The following NUP50 variants were observed in gnomAD, a reference collection of about 807,000 sequenced individuals.
NUP50 encodes nucleoporin 50.
NUP50 carries 14 observed loss-of-function variants against 36.8 expected under a neutral mutation model. The observed-to-expected ratio is 0.38, with a 90% confidence interval of 0.25 to 0.59. NUP50 has a LOEUF of 0.59. Ranked by LOEUF, NUP50 falls within the 20% of genes least tolerant of loss-of-function variation. The pLI is 0.63. For missense variants in NUP50, 455 were observed against 564.6 expected (o/e 0.81, Z 1.97); for synonymous variants, 195 against 210.8 (o/e 0.93, Z 0.65).
intron 2 of NUP50, 119 bp from the exon 3 acceptor site, chr22:45,171,481 C>A: frequency 9.9e-7 from 1 of 1,011,176 alleles, no homozygotes; most frequent in Non-Finnish European, 1.5e-6. Flanking sequence ...TGTGCCTGGC[C>A]AAAATTTATT....
chr22:45,171,885 T>C (rs1001580964), intron 3 of NUP50: 11 of 500,304 alleles, frequency 2.2e-5, no homozygotes, highest in Non-Finnish European at 3.6e-5. Context: ...GGAAATAAGA[T>C]AAATATAGAC....
chr22:45,174,706 A>G (rs373207418), intron 3 of NUP50, among the ~76,000 whole-genome samples: 25 of 152,306 alleles, frequency 1.6e-4, no homozygotes, highest in African/African-American at 6.0e-4. Context: ...GACAGCTATC[A>G]GTGTGGCGGG....
chr22:45,176,100 C>A lies in NUP50; in HGVS notation c.340+20C>A, dbSNP rs1356224673. 6.2e-7 allele frequency: 1 copy of A among 1,609,954 alleles called. No homozygotes were observed. Among genetic ancestry groups the A allele is most frequent in the South Asian group, 1.1e-5 (1 of 90,738 alleles). On this transcript the variant is annotated intron_variant, in intron 4 of 7. Transcript: ENST00000347635. Reference sequence around the variant, plus strand: ...CCTTTGGTAAGTAGCTCCCATCCCCCAGCCGCCTGTGTAAGTATCATCTAT... The same window carrying A: ...CCTTTGGTAAGTAGCTCCCATCCCCAAGCCGCCTGTGTAAGTATCATCTAT...
intron 5 of NUP50, chr22:45,180,145 G>C (rs2074343854): frequency 6.6e-6 from 1 of 152,220 alleles, no homozygotes; most frequent in East Asian, 1.9e-4. Context: ...CAGGCACTGG[G>C]GATTTGAATC....
chr22:45,169,199 AC>A (rs1230817232), intron 2 of NUP50, among the ~76,000 whole-genome samples: 1 of 152,000 alleles, frequency 6.6e-6, no homozygotes, highest in African/African-American at 2.4e-5. Flanking sequence ...ACCGCACCCA[AC>A]CCCCCAAAAA....
intron 5 of NUP50, among the ~76,000 whole-genome samples, chr22:45,179,482 C>T (rs559538454): frequency 2.6e-5 from 4 of 152,314 alleles, no homozygotes; most frequent in Admixed American, 6.5e-5. Flanking sequence ...AAGGTCTGGG[C>T]CCTCCAGACC....
intron 6 of NUP50, among the ~76,000 whole-genome samples, chr22:45,181,819 T>A (rs893889203): frequency 6.6e-6 from 1 of 152,198 alleles, no homozygotes; most frequent in Non-Finnish European, 1.5e-5. Flanking sequence ...GTCAAAAAGT[T>A]AAGCACAGTA....
chr22:45,186,874 G>A lies in NUP50; in HGVS notation c.*2219G>A, dbSNP rs2147718700. 6.6e-6 allele frequency: 1 copy of A among 152,624 alleles called. No individual in the cohort carries two copies. The highest frequency in any genetic ancestry group is 2.1e-4 in the South Asian group (1 of 4,828). The allele number at this position is 152,624 out of a possible 1,614,324, so 9.5% of individuals were successfully genotyped here. A position where few individuals can be genotyped will look rare whatever the true frequency, so the allele number is the denominator to read the frequency against. ...AGTGTAAAGAGCCTGAGTATACGTG[G>A]ATTTCATTGTAAAATTTAACTCCTT... is the stretch of plus-strand genomic sequence containing the variant. On this transcript the variant is annotated 3_prime_UTR_variant, in exon 8 of 8. Transcript: ENST00000347635.
Position 45,175,962 on chromosome 22 carries a change from T to A in NUP50, c.222T>A (p.Ser74=), listed in dbSNP as rs1245113775. 2 of 1,614,170 alleles carry A rather than the reference T, an allele frequency of 1.2e-6. No homozygotes were observed. The change falls in exon 4 of 8, where the codon TCT becomes TCA. Residue 74 remains serine, a synonymous_variant. Transcript: ENST00000347635. ...LVVPSGGGRF[S]GFGSGAGGKP... ...TACCTTCTGGAGGAGGACGCTTTTCTGGATTTGGTAGTGGCGCTGGAGGGA... is the reference window on the plus strand; with the variant it reads ...TACCTTCTGGAGGAGGACGCTTTTCAGGATTTGGTAGTGGCGCTGGAGGGA...
At chr22:45,165,334 C>G (rs1456431195) in intron 1 of NUP50, among the ~76,000 whole-genome samples, 2 of 152,238 alleles carry the variant, frequency 1.3e-5, no homozygotes, top group Admixed American at 6.5e-5. Flanking sequence ...CTCCTGGGCT[C>G]AAGTGATTCT....
intron 5 of NUP50, chr22:45,179,267 G>C (rs2074328585): frequency 1.1e-5 from 2 of 186,538 alleles, no homozygotes; most frequent in African/African-American, 2.4e-5. Flanking sequence ...GAATTGATTT[G>C]TACTTAGGAG....
chr22:45,169,149 G>A (rs940071925), intron 2 of NUP50, among the ~76,000 whole-genome samples: 23 of 152,112 alleles, frequency 1.5e-4, no homozygotes, highest in Non-Finnish European at 2.8e-4. Flanking sequence ...TGATCCACCC[G>A]CCTTGGCCTC....
At position 45,163,970 on chromosome 22, in the gene NUP50, CCTT is replaced by C. The variant is rs2074052648; in HGVS notation, c.-336_-334del. 2.0e-5 allele frequency: 3 copies of C among 152,250 alleles called. No homozygotes were observed. Among genetic ancestry groups the C allele is most frequent in the African/African-American group, 7.2e-5 (3 of 41,474 alleles). 9.4% of individuals were successfully genotyped at this position (152,250 alleles called of 1,614,324 possible). On this transcript the variant is annotated 5_prime_UTR_variant, in exon 1 of 8. Coordinates refer to ENST00000347635, the MANE Select transcript of NUP50 (RefSeq NM_007172.4). ...GCTGAACGCGGGCGTTTCTTTCCTC[CCTT>C]TTTTTCGAATTGGTTTTGGGGGTAG...
intron 2 of NUP50, 64 bp downstream of exon 2, chr22:45,168,310 T>C: frequency 1.5e-6 from 2 of 1,330,556 alleles, no homozygotes; most frequent in South Asian, 2.5e-5. Flanking sequence ...CATTTTGGGG[T>C]TCCTCATGAA....
Position 45,182,628 on chromosome 22 carries a change from T to TA in NUP50, c.1086-774_1086-773insA, listed in dbSNP as rs1489258116. On this transcript the variant is annotated intron_variant, in intron 6 of 7. Coordinates refer to ENST00000347635, the MANE Select transcript of NUP50 (RefSeq NM_007172.4). Reference sequence around the variant, plus strand: ...CTGAAAGAGCCTTGAGGTTTGTTTTTTTTTTTTTTTTTTTGAGACGGAGTC... The same window carrying TA: ...CTGAAAGAGCCTTGAGGTTTGTTTTTATTTTTTTTTTTTTTGAGACGGAGTC... Among the ~76,000 whole-genome samples, 81 of 137,092 alleles carry TA rather than the reference T, an allele frequency of 5.9e-4. 1 individual carries two copies. Among genetic ancestry groups the TA allele is most frequent in the Admixed American group, 3.2e-3 (45 of 14,130 alleles). 89.9% of individuals were successfully genotyped at this position (137,092 alleles called of 152,430 possible). A position where few individuals can be genotyped will look rare whatever the true frequency, so the allele number is the denominator to read the frequency against.
rs2074459961 is a variant in NUP50 at position 45,185,725 on chromosome 22, T to C, written c.*1070T>C. 1 of 152,248 alleles carries C rather than the reference T, an allele frequency of 6.6e-6. No individual in the cohort carries two copies. The highest frequency in any genetic ancestry group is 2.4e-5 in the African/African-American group (1 of 41,474). The allele number at this position is 152,248 out of a possible 1,614,324, so 9.4% of individuals were successfully genotyped here. ...ACTTTTTTAAGAGTAAGATTCCATA[T>C]GTCTGTCTGGAAGGGAGCCATGGTT... On this transcript the variant is annotated 3_prime_UTR_variant, in exon 8 of 8. Coordinates refer to ENST00000347635, the MANE Select transcript of NUP50 (RefSeq NM_007172.4).
Position 45,175,994 on chromosome 22 carries a change from T to C in NUP50, c.254T>C (p.Leu85Ser). 6.2e-7 allele frequency: 1 copy of C among 1,614,188 alleles called. No individual in the cohort carries two copies. The highest frequency in any genetic ancestry group is 1.1e-5 in the South Asian group (1 of 91,082). The part of the protein sequence containing the change: ...GFGSGAGGKP[L>S]EGLSNGNNIT... ...GGTAGTGGCGCTGGAGGGAAGCCTT[T>C]GGAAGGACTGTCGAATGGAAACAAC... The change falls in exon 4 of 8, where the codon TTG (leucine) becomes TCG (serine). Residue 85 changes from leucine to serine, a missense_variant. Coordinates refer to ENST00000347635, the MANE Select transcript of NUP50 (RefSeq NM_007172.4).
At position 45,184,551 on chromosome 22, in the gene NUP50, G is replaced by A. The variant is rs1469276332; in HGVS notation, c.1303G>A (p.Asp435Asn). The A allele has an allele frequency of 1.2e-6, 2 of 1,613,126 alleles. No homozygotes were observed. Among genetic ancestry groups the A allele is most frequent in the Admixed American group, 3.3e-5 (2 of 60,002 alleles). ...CGTCTGTGTTCCAAATCCACCAATT[G>A]ACGAGAAGAATGCCACCATGCCAGT... ...LIVCVPNPPIDEKNATMPVTM... is the reference protein window; with the variant it reads ...LIVCVPNPPINEKNATMPVTM... The change falls in exon 8 of 8, where the codon GAC (aspartate) becomes AAC (asparagine). Residue 435 changes from aspartate (D) to asparagine (N), a missense_variant. By Grantham distance (23) the Asp-to-Asn change is conservative. Coordinates refer to ENST00000347635, the MANE Select transcript of NUP50 (RefSeq NM_007172.4).
At chr22:45,183,035 C>T (rs12170789) in intron 6 of NUP50, among the ~76,000 whole-genome samples, 7,194 of 123,330 alleles carry the variant, frequency 0.058, 503 homozygotes, top group East Asian at 0.17. Flanking sequence ...AGGACCAGAT[C>T]GGCGATCTTG....
Sources: gnomAD v4.1 joint callset for allele counts (sites outside exome capture counted in the v4.1 genomes callset) on GRCh38, gnomAD v4.1.1 for gene constraint, MANE v1.5 for transcripts, NCBI Gene and HGNC (gene_info 2026-07-23, HGNC 2026-07-21) for gene names.